The following ROS1 variants were observed in gnomAD, a reference collection of about 807,000 sequenced individuals.
The protein encoded by ROS1 is ROS proto-oncogene 1, receptor tyrosine kinase.
ROS1 carries 263 observed loss-of-function variants against 273.5 expected under a neutral mutation model. The ratio of observed to expected loss-of-function variants is 0.96; its 90% CI spans 0.87 to 1.06. ROS1 has a LOEUF of 1.06. ROS1 is among the 50% of genes least tolerant of loss of function. ROS1 has a pLI of 0.00. For synonymous variants in ROS1, 1,008 were observed against 954.1 expected (o/e 1.06, Z -1.04); for missense variants, 2,833 against 2,751.1 (o/e 1.03, Z -0.67).
At chr6:117,393,853 G>A (rs1300574053) in intron 11 of ROS1, among the ~76,000 whole-genome samples, 1 of 152,062 alleles carries the variant, frequency 6.6e-6, no homozygotes, top group African/African-American at 2.4e-5. Context: ...ATCATGACTG[G>A]CAGTCTTACC....
chr6:117,302,341 T>A (rs1263801587), intron 42 of ROS1, among the ~76,000 whole-genome samples: 2 of 152,152 alleles, frequency 1.3e-5, no homozygotes, highest in East Asian at 3.9e-4. Flanking sequence ...TCAGGATATA[T>A]GTTGAGTACG....
intron 18 of ROS1, among the ~76,000 whole-genome samples, chr6:117,370,968 A>T (rs1780714775): frequency 6.6e-6 from 1 of 152,236 alleles, no homozygotes; most frequent in African/African-American, 2.4e-5. Flanking sequence ...CGTAATTAAA[A>T]TGCAGAAGTT....
Position 117,326,228 on chromosome 6 carries a change from A to G in ROS1, c.5535T>C (p.Val1845=), listed in dbSNP as rs1776636417. The G allele has an allele frequency of 1.3e-6, 2 of 1,587,728 alleles. No individual in the cohort carries two copies. Among genetic ancestry groups the G allele is most frequent in the Non-Finnish European group, 1.7e-6 (2 of 1,169,202 alleles). The change falls in exon 34 of 44, where the codon GTT becomes GTC. Residue 1845 remains valine (V), a synonymous_variant. Coordinates refer to ENST00000368507, the MANE Select transcript of ROS1 (RefSeq NM_001378902.1). Reference sequence around the variant, plus strand: ...TAGACAGACATGGTAACATACCTCCAACTAATATAATATTCTCACTGATTC... The same window carrying G: ...TAGACAGACATGGTAACATACCTCCGACTAATATAATATTCTCACTGATTC... ...YSGISENIIL[V]GDDFWIPETS...
intron 7 of ROS1, among the ~76,000 whole-genome samples, chr6:117,401,816 A>AAAC (rs1554253515): frequency 6.6e-6 from 1 of 151,374 alleles, no homozygotes; most frequent in African/African-American, 2.4e-5. Context: ...AAAAAAAAAA[A>AAAC]AAAAAAAACA....
chr6:117,308,448 C>T (rs566185598), intron 42 of ROS1, among the ~76,000 whole-genome samples: 1 of 152,006 alleles, frequency 6.6e-6, no homozygotes, highest in South Asian at 2.1e-4. Flanking sequence ...TCATATCTCC[C>T]AAAATAAAAG....
chr6:117,350,337 G>A (rs1012498957), intron 27 of ROS1, among the ~76,000 whole-genome samples: 2 of 151,930 alleles, frequency 1.3e-5, no homozygotes, highest in Non-Finnish European at 2.9e-5. Context: ...TAGTTTCTGA[G>A]GAGAAGTTGG....
chr6:117,292,442 T>C (rs1773907081), intron 43 of ROS1, among the ~76,000 whole-genome samples: 1 of 152,196 alleles, frequency 6.6e-6, no homozygotes, highest in African/African-American at 2.4e-5. Context: ...CCTCTGGATT[T>C]CCATAACAAC....
In ROS1 at chr6:117,356,659, A is replaced by G; in HGVS notation, c.4096T>C (p.Trp1366Arg). Residue 1366 changes from tryptophan (W) to arginine (R), a missense_variant, in exon 26 of 44, where the codon TGG becomes CGG. Trp to Arg is a moderately radical substitution (Grantham distance 101). Transcript: ENST00000368507. ...ATAGCAGGTACTGTGATAACTCTCC[A>G]ACACTGACAGCCTTCCAGATCCATT... Reference protein sequence around the residue: ...WAMDLEGCQCWRVITVPAMLG... With the variant: ...WAMDLEGCQCRRVITVPAMLG... The G allele has an allele frequency of 1.2e-6, 2 of 1,613,992 alleles. No homozygotes were observed. The highest frequency in any genetic ancestry group is 1.7e-6 in the Non-Finnish European group (2 of 1,179,916).
chr6:117,346,715 C>T (rs1432011138), intron 27 of ROS1, among the ~76,000 whole-genome samples: 2 of 152,078 alleles, frequency 1.3e-5, no homozygotes, highest in African/African-American at 2.4e-5. Flanking sequence ...CAAAGTAGTA[C>T]ATTTGTTACA....
In ROS1 at chr6:117,330,133, C is replaced by A. The variant is rs561653039; in HGVS notation, c.5231-687G>T. On this transcript the variant is annotated intron_variant, in intron 32 of 43. Coordinates refer to ENST00000368507, the MANE Select transcript of ROS1 (RefSeq NM_001378902.1). ...AGCTCCAGGCTGTGCTTTTCCCCTG[C>A]GGGAGCCAGCGAGGCTGGACAGCTT... 2.0e-5 allele frequency among the ~76,000 whole-genome samples: 3 copies of A among 152,310 alleles called. No homozygotes were observed. The South Asian group carries it at 6.2e-4, about 32-fold the overall frequency.
chr6:117,308,003 A>T (rs1296930406), intron 42 of ROS1, among the ~76,000 whole-genome samples: 1 of 151,940 alleles, frequency 6.6e-6, no homozygotes, highest in Non-Finnish European at 1.5e-5. Context: ...TGGTTTAAAC[A>T]CCTCTGTAAT....
At chr6:117,424,273 A>G (rs924126933) in intron 1 of ROS1, among the ~76,000 whole-genome samples, 4 of 152,002 alleles carry the variant, frequency 2.6e-5, no homozygotes, top group African/African-American at 9.7e-5. Context: ...ATGTAATGAA[A>G]AAGCTGGTTG....
In ROS1 at chr6:117,366,090, AG is replaced by A. The variant is rs375051554; in HGVS notation, c.2782del (p.Lys929SerfsTer42). The A allele has an allele frequency of 6.2e-7, 1 of 1,613,538 alleles. No homozygotes were observed. The highest frequency in any genetic ancestry group is 1.1e-5 in the South Asian group (1 of 91,072). ...AAATACTGTACCTGGCAGGGGCTTA[AG>A]GGATGTCTGAATAATTGTGAACTGA... ...FNQFTIIQTS[L>X]KPLPGNFSFT... On this transcript the variant is annotated frameshift_variant, in exon 19 of 44. Transcript: ENST00000368507. LOFTEE classifies it high-confidence loss of function.
At chr6:117,337,821 A>G (rs899001679) in intron 31 of ROS1, among the ~76,000 whole-genome samples, 5 of 152,110 alleles carry the variant, frequency 3.3e-5, no homozygotes, top group African/African-American at 9.7e-5. Context: ...ACAAACTAAG[A>G]CTTTTTTTTC....
intron 1 of ROS1, among the ~76,000 whole-genome samples, chr6:117,423,381 C>T (rs1287803836): frequency 6.6e-5 from 10 of 152,244 alleles, no homozygotes; most frequent in Non-Finnish European, 1.3e-4. Flanking sequence ...TGTTATTGTG[C>T]CCTGTGAATC....
At chr6:117,404,722 C>A (rs13194436) in intron 5 of ROS1, among the ~76,000 whole-genome samples, 8,996 of 152,254 alleles carry the variant, frequency 0.059, 317 homozygotes, top group Middle Eastern at 0.092. Context: ...GTCCAGTTTT[C>A]TCTTTCAATA....
intron 26 of ROS1, 82 bp downstream of exon 26, chr6:117,356,547 G>T: frequency 8.1e-7 from 1 of 1,227,180 alleles, no homozygotes. Flanking sequence ...TTGAGTATAC[G>T]CGGAATGCAA....
intron 27 of ROS1, among the ~76,000 whole-genome samples, chr6:117,346,788 TTTGTA>T (rs1381716682): frequency 6.6e-6 from 1 of 152,100 alleles, no homozygotes; most frequent in Non-Finnish European, 1.5e-5. Context: ...AGAGTTCAGT[TTTGTA>T]TTGTACATTT....
At position 117,385,815 on chromosome 6, in the gene ROS1, G is replaced by T. The variant is rs528202634; in HGVS notation, c.2157C>A (p.Gly719=). The change falls in exon 16 of 44, where the codon GGC becomes GGA. Residue 719 remains glycine (G), a synonymous_variant. Coordinates refer to ENST00000368507, the MANE Select transcript of ROS1 (RefSeq NM_001378902.1). ...CATTCAGCAGCCACACAAAAACGTC[G>T]CCTTTCGTGTCACTGTAGTAGAGGC... ...NNSLYYSDTK[G]DVFVWLLNGT... 1.2e-6 allele frequency: 2 copies of T among 1,614,074 alleles called. No individual in the cohort carries two copies. Among genetic ancestry groups the T allele is most frequent in the South Asian group, 2.2e-5 (2 of 91,078 alleles).
Sources: allele counts gnomAD v4.1 joint callset (sites outside exome capture counted in the v4.1 genomes callset), GRCh38; gene constraint gnomAD v4.1.1; transcripts MANE v1.5; gene names NCBI Gene and HGNC (gene_info 2026-07-23, HGNC 2026-07-21).